The following MSR1 variants were observed in gnomAD, a reference collection of about 807,000 sequenced individuals.
MSR1 encodes the protein macrophage scavenger receptor types I and II.
Under a neutral mutation model 47.2 loss-of-function variants are expected in MSR1, and 53 were observed. That is an observed-to-expected ratio of 1.12 (90% CI 0.90 to 1.41). The LOEUF is 1.41. Among genes scored for constraint, MSR1 ranks in the 40% most tolerant of loss-of-function variants. The probability of loss-of-function intolerance (pLI) is 0.00; values close to 1 mark genes in which losing one functional copy is unlikely to be tolerated. For missense variants in MSR1, 786 were observed against 546.9 expected, an observed-to-expected ratio of 1.44 and a Z score of -4.36; for synonymous variants, 239 against 185.6, an observed-to-expected ratio of 1.29 and a Z score of -2.34.
rs186635722 is a variant in MSR1 at position 16,164,269 on chromosome 8, G to A, written c.631-18C>T. On this transcript the variant is annotated intron_variant, in intron 4 of 9. Transcript: ENST00000262101. Reference sequence around the variant, plus strand: ...CTGATTTCCTGTAAAACATAAGTGAGCATTCACAGCCTTTGTTACATACAT... The same window carrying A: ...CTGATTTCCTGTAAAACATAAGTGAACATTCACAGCCTTTGTTACATACAT... The A allele has an allele frequency of 1.1e-5, 17 of 1,601,000 alleles. No homozygotes were observed. The East Asian group carries it at 3.8e-4, about 36-fold the overall frequency.
chr8:16,120,474 C>A lies in MSR1; in HGVS notation c.1166G>T (p.Arg389Met), dbSNP rs149347409. The A allele has an allele frequency of 5.6e-6, 9 of 1,613,888 alleles. No homozygotes were observed. The African/African-American group carries it at 1.2e-4, about 22-fold the overall frequency. Residue 389 changes from arginine (R) to methionine (M), a missense_variant, in exon 9 of 10, where the codon AGG becomes ATG. Physicochemically the swap from Arg to Met is moderately conservative, Grantham distance 91. Coordinates refer to ENST00000262101, the MANE Select transcript of MSR1 (RefSeq NM_138715.3). ...TTGAACACCTGGGTATCCCAAGCTC[C>A]TACAGACGACCTGTCCAACGCGCAC... ...WEVRVGQVVC[R>M]SLGYPGVQAV...
intron 4 of MSR1, among the ~76,000 whole-genome samples, chr8:16,165,853 C>T (rs1801290711): frequency 6.6e-6 from 1 of 152,086 alleles, no homozygotes; most frequent in African/African-American, 2.4e-5. Flanking sequence ...TGCCTTCTCC[C>T]AAACAAAACC....
chr8:16,139,105 A>G (rs770658725), intron 8 of MSR1, among the ~76,000 whole-genome samples: 1 of 152,192 alleles, frequency 6.6e-6, no homozygotes, highest in Non-Finnish European at 1.5e-5. Context: ...AGACAAACTC[A>G]TTGATTTGCA....
intron 7 of MSR1, among the ~76,000 whole-genome samples, chr8:16,148,283 A>T (rs1241488875): frequency 6.6e-6 from 1 of 152,062 alleles, no homozygotes; most frequent in African/African-American, 2.4e-5. Flanking sequence ...TGCTGTATTT[A>T]TCTCCAGCAC....
intron 9 of MSR1, among the ~76,000 whole-genome samples, chr8:16,114,322 T>C (rs1799828285): frequency 6.6e-6 from 1 of 152,156 alleles, no homozygotes; most frequent in Non-Finnish European, 1.5e-5. Context: ...AGAATAACTT[T>C]TAAATGGCAT....
intron 9 of MSR1, among the ~76,000 whole-genome samples, chr8:16,113,452 C>T (rs1024767447): frequency 6.6e-6 from 1 of 151,938 alleles, no homozygotes; most frequent in Admixed American, 6.6e-5. Flanking sequence ...TTAAAAGTGC[C>T]TGAATGTGTA....
intron 1 of MSR1, among the ~76,000 whole-genome samples, chr8:16,184,068 C>T (rs1210143863): frequency 6.6e-6 from 1 of 151,114 alleles, no homozygotes; most frequent in South Asian, 2.1e-4. Flanking sequence ...TGTTAAAAAG[C>T]ATGAAGGTAT....
intron 2 of MSR1, 145 bp downstream of exon 2, chr8:16,177,741 T>A (rs1563168055): frequency 1.5e-6 from 1 of 669,182 alleles, no homozygotes; most frequent in East Asian, 2.8e-5. Flanking sequence ...TTATTTTTAT[T>A]CTGTCTCAAG....
chr8:16,110,826 A>T (rs1799740599), intron 9 of MSR1, among the ~76,000 whole-genome samples: 1 of 152,162 alleles, frequency 6.6e-6, no homozygotes. Context: ...AATGCTACTG[A>T]TTGCAAACAC....
intron 1 of MSR1, among the ~76,000 whole-genome samples, chr8:16,180,106 GTC>G (rs371817658): frequency 2.2e-5 from 3 of 133,780 alleles, no homozygotes; most frequent in Non-Finnish European, 3.1e-5. Flanking sequence ...CTCTCTGTCT[GTC>G]TCTCTCTCTC....
chr8:16,128,316 A>G (rs57554102), intron 8 of MSR1, among the ~76,000 whole-genome samples: 22,857 of 152,024 alleles, frequency 0.15, 2,768 homozygotes, highest in African/African-American at 0.31. Flanking sequence ...GATAGAGGCC[A>G]TATGGAGGTA....
intron 1 of MSR1, among the ~76,000 whole-genome samples, chr8:16,187,133 C>A (rs772002811): frequency 6.6e-6 from 1 of 151,832 alleles, no homozygotes; most frequent in East Asian, 2.0e-4. Context: ...GAGGCTGAGG[C>A]GGGTGGATCA....
chr8:16,132,811 G>T (rs1800293191), intron 8 of MSR1, among the ~76,000 whole-genome samples: 1 of 151,988 alleles, frequency 6.6e-6, no homozygotes, highest in East Asian at 1.9e-4. Flanking sequence ...ATACCATGCT[G>T]AACAGGAGTA....
At position 16,108,133 on chromosome 8, in the gene MSR1, G is replaced by A. The variant is rs1005837877; in HGVS notation, c.*1952C>T. On this transcript the variant is annotated 3_prime_UTR_variant, in exon 10 of 10. Transcript: ENST00000262101. ...GGCACTGATCTCAGACATCCCAAGTGCCTATGGGTTGTTAATAGTACTATT... is the reference window on the plus strand; with the variant it reads ...GGCACTGATCTCAGACATCCCAAGTACCTATGGGTTGTTAATAGTACTATT... The A allele has an allele frequency of 1.5e-5, 2 of 137,412 alleles. No homozygotes were observed. Among genetic ancestry groups the A allele is most frequent in the Non-Finnish European group, 3.1e-5 (2 of 63,800 alleles). The allele number at this position is 137,412 out of a possible 1,614,324, so 8.5% of individuals were successfully genotyped here. A position where few individuals can be genotyped will look rare whatever the true frequency, so the allele number is the denominator to read the frequency against.
intron 8 of MSR1, among the ~76,000 whole-genome samples, chr8:16,129,837 A>T (rs566892317): frequency 6.6e-6 from 1 of 152,264 alleles, no homozygotes; most frequent in East Asian, 1.9e-4. Flanking sequence ...CTGTGAGCCC[A>T]TACAAGTCCA....
chr8:16,164,130 G>A lies in MSR1; in HGVS notation c.752C>T (p.Thr251Ile), dbSNP rs536080410. The change falls in exon 5 of 10, where the codon ACT becomes ATT. Residue 251 changes from threonine (T) to isoleucine (I), a missense_variant. Physicochemically the swap from Thr to Ile is moderately conservative, Grantham distance 89. Transcript: ENST00000262101. ...CCAATCTTTCAGTCTGAGATCATTA[G>A]TGATGTTATTCAGTACTTTCACTTC... ...KGEVKVLNNI[T>I]NDLRLKDWEH... 4.0e-5 allele frequency: 65 copies of A among 1,611,932 alleles called. No homozygotes were observed. The South Asian group carries it at 6.4e-4, about 16-fold the overall frequency.
intron 8 of MSR1, chr8:16,140,754 G>A: frequency 7.0e-7 from 1 of 1,431,332 alleles, no homozygotes. Context: ...GGCTGGGGGT[G>A]ATAGGGGAGA....
intron 9 of MSR1, among the ~76,000 whole-genome samples, chr8:16,118,144 C>G (rs1462809778): frequency 6.6e-6 from 1 of 152,068 alleles, no homozygotes; most frequent in Non-Finnish European, 1.5e-5. Context: ...CTGAGCTTGT[C>G]TGCATTGATT....
intron 7 of MSR1, among the ~76,000 whole-genome samples, chr8:16,144,247 C>T (rs764348944): frequency 1.3e-5 from 2 of 151,826 alleles, no homozygotes; most frequent in African/African-American, 2.4e-5. Context: ...TTTTTGCCAA[C>T]GGATTGCTAC....
Sources: gnomAD v4.1 joint callset for allele counts (sites outside exome capture counted in the v4.1 genomes callset) on GRCh38, gnomAD v4.1.1 for gene constraint, MANE v1.5 for transcripts, NCBI Gene and HGNC (gene_info 2026-07-23, HGNC 2026-07-21) for gene names.